The following DLG2 variants were observed in gnomAD, a reference collection of about 807,000 sequenced individuals.
DLG2 encodes discs large MAGUK scaffold protein 2.
In DLG2, 45 loss-of-function variants were observed where a neutral mutation model predicts 132.5. The observed-to-expected ratio is 0.34, with a 90% CI of 0.27 to 0.44. The LOEUF is 0.44. Among genes scored for constraint, DLG2 ranks in the 20% least tolerant of loss-of-function variants. DLG2 has a pLI of 1.00. For missense variants in DLG2, 1,045 were observed against 1,196.9 expected, an observed-to-expected ratio of 0.87 and a Z score of 1.87; for synonymous variants, 424 against 419.6, an observed-to-expected ratio of 1.01 and a Z score of -0.13.
At chr11:85,600,966 T>C (rs983172376) in intron 2 of DLG2, among the ~76,000 whole-genome samples, 1 of 152,170 alleles carries the variant, frequency 6.6e-6, no homozygotes, top group African/African-American at 2.4e-5. Context: ...ATTCCCACCA[T>C]GGCCAATTTC....
chr11:85,591,203 C>T (rs1019608314), intron 3 of DLG2, among the ~76,000 whole-genome samples: 1 of 152,116 alleles, frequency 6.6e-6, no homozygotes, highest in Admixed American at 6.6e-5. Context: ...AGTATATGGC[C>T]GTTTAACAAA....
intron 6 of DLG2, among the ~76,000 whole-genome samples, chr11:85,110,358 C>CA (rs1342854768): frequency 1.7e-4 from 26 of 152,072 alleles, no homozygotes; most frequent in Admixed American, 5.9e-4. Flanking sequence ...GTGGAGGCTG[C>CA]AGTGAGCCAA....
chr11:83,969,537 C>T (rs754051390), intron 12 of DLG2, among the ~76,000 whole-genome samples: 6 of 152,028 alleles, frequency 3.9e-5, no homozygotes, highest in East Asian at 1.9e-4. Flanking sequence ...TATTTTAGGG[C>T]CATTACCACT....
chr11:85,047,672 A>G (rs2062476105), intron 6 of DLG2, among the ~76,000 whole-genome samples: 1 of 151,952 alleles, frequency 6.6e-6, no homozygotes. Flanking sequence ...TCTCTGTCAA[A>G]GTACTTGGTA....
intron 3 of DLG2, among the ~76,000 whole-genome samples, chr11:85,306,712 A>G (rs541367358): frequency 6.6e-6 from 1 of 152,256 alleles, no homozygotes; most frequent in East Asian, 1.9e-4. Flanking sequence ...AGCTGGGACT[A>G]CCAGCGCCCA....
At chr11:83,877,277 T>G (rs1003749539) in intron 15 of DLG2, among the ~76,000 whole-genome samples, 1 of 152,076 alleles carries the variant, frequency 6.6e-6, no homozygotes, top group South Asian at 2.1e-4. Context: ...AGAATGACCA[T>G]TTTTTTCCGT....
intron 4 of DLG2, among the ~76,000 whole-genome samples, chr11:85,270,275 T>C (rs970458054): frequency 1.1e-4 from 17 of 152,186 alleles, no homozygotes; most frequent in Admixed American, 5.2e-4. Flanking sequence ...GATGGTTTTA[T>C]GAAGGGGAGT....
At chr11:84,854,692 C>T (rs2082553688) in intron 6 of DLG2, among the ~76,000 whole-genome samples, 1 of 151,952 alleles carries the variant, frequency 6.6e-6, no homozygotes, top group African/African-American at 2.4e-5. Flanking sequence ...TTCCTGTTTC[C>T]ATGTCTGTCC....
chr11:84,405,161 A>T (rs578524), intron 7 of DLG2, among the ~76,000 whole-genome samples: 59,975 of 152,280 alleles, frequency 0.39, 16,422 homozygotes, highest in African/African-American at 0.78. Context: ...AATTGTTTCA[A>T]TATCTTTCAA....
At chr11:84,950,093 T>C (rs1197665390) in intron 6 of DLG2, among the ~76,000 whole-genome samples, 1 of 152,180 alleles carries the variant, frequency 6.6e-6, no homozygotes, top group Non-Finnish European at 1.5e-5. Context: ...AACAAATACG[T>C]CCAACTAATA....
chr11:85,054,166 G>C (rs752474297), intron 6 of DLG2, among the ~76,000 whole-genome samples: 3 of 151,676 alleles, frequency 2.0e-5, no homozygotes, highest in Non-Finnish European at 4.4e-5. Context: ...TGGGGAGGCT[G>C]AGGCACGAGA....
At chr11:84,091,406 G>A (rs1187278590) in intron 10 of DLG2, among the ~76,000 whole-genome samples, 1 of 152,138 alleles carries the variant, frequency 6.6e-6, no homozygotes. Flanking sequence ...CCACCCGAGG[G>A]ACTAGATTCC....
At chr11:83,546,955 A>G (rs1160948243) in intron 19 of DLG2, among the ~76,000 whole-genome samples, 1 of 152,148 alleles carries the variant, frequency 6.6e-6, no homozygotes, top group Non-Finnish European at 1.5e-5. Context: ...GTGATGGGGC[A>G]GGACTCAAAG....
At chr11:84,732,104 T>C (rs1462489006) in intron 6 of DLG2, among the ~76,000 whole-genome samples, 2 of 152,104 alleles carry the variant, frequency 1.3e-5, no homozygotes, top group Non-Finnish European at 2.9e-5. Context: ...GATGGTTGCA[T>C]GTGCCAATAG....
chr11:85,029,802 T>G (rs1040618368), intron 6 of DLG2, among the ~76,000 whole-genome samples: 1 of 152,208 alleles, frequency 6.6e-6, no homozygotes, highest in African/African-American at 2.4e-5. Flanking sequence ...CCTTTACTCC[T>G]TCAAGTGATT....
chr11:84,364,620 C>T (rs2098670810), intron 7 of DLG2, among the ~76,000 whole-genome samples: 1 of 152,080 alleles, frequency 6.6e-6, no homozygotes, highest in African/African-American at 2.4e-5. Context: ...CAGTTTTTGC[C>T]CATTCAGTAT....
rs1414744506 is a variant in DLG2 at position 83,466,712 on chromosome 11, G to A, written c.2725C>T (p.Leu909Phe). The A allele has an allele frequency of 1.3e-6, 2 of 1,599,890 alleles. No individual in the cohort carries two copies. Among genetic ancestry groups the A allele is most frequent in the East Asian group, 2.2e-5 (1 of 44,766 alleles). ...CCTCCAATGCCCTCTACTCACATAA[G>A]AGGTTCCAGAGACCTGGGTTTTATG... ...IFIKPRSLEP[L>F]MEMNKRLTEE... Residue 909 changes from leucine (L) to phenylalanine (F), a missense_variant, in exon 26 of 28, where the codon CTT becomes TTT. This residue lies in a region of DLG2 where 398 missense variants were observed against 543.6 expected (regional missense o/e 0.73). Transcript: ENST00000376104.
intron 14 of DLG2, 72 bp from the exon 15 acceptor site, chr11:83,930,555 A>G: frequency 7.0e-7 from 1 of 1,427,134 alleles, no homozygotes; most frequent in Non-Finnish European, 9.5e-7. Flanking sequence ...AACCAGTAGC[A>G]TCTCAGCATG....
chr11:84,313,661 G>GAAAGAAAGAAAGAAAT (rs2098323534), intron 7 of DLG2, among the ~76,000 whole-genome samples: 1 of 150,506 alleles, frequency 6.6e-6, no homozygotes. Context: ...AAGAAAGAAA[G>GAAAGAAAGAAAGAAAT]AAAGAAAGAA....
Sources: gnomAD v4.1 joint callset for allele counts (sites outside exome capture counted in the v4.1 genomes callset) on GRCh38, gnomAD v4.1.1 for gene constraint, gnomAD v4.1.1 regional missense constraint, MANE v1.5 for transcripts, NCBI Gene and HGNC (gene_info 2026-07-23, HGNC 2026-07-21) for gene names.